The following ROCK1 variants were observed in gnomAD, a reference collection of about 807,000 sequenced individuals.
ROCK1 encodes Rho associated coiled-coil containing protein kinase 1, also known as rho-associated protein kinase 1.
ROCK1 carries 36 observed loss-of-function variants against 196.8 expected under a neutral mutation model. The ratio of observed to expected loss-of-function variants is 0.18; its 90% confidence interval spans 0.14 to 0.24. ROCK1 has a LOEUF of 0.24. Among genes scored for constraint, ROCK1 ranks in the 10% least tolerant of loss-of-function variants. The probability of loss-of-function intolerance (pLI) is 1.00; values close to 1 mark genes in which losing one functional copy is unlikely to be tolerated. For missense variants in ROCK1, 920 were observed against 1,562.0 expected (o/e 0.59, Z 6.93); for synonymous variants, 443 against 515.9 (o/e 0.86, Z 1.91).
intron 1 of ROCK1, among the ~76,000 whole-genome samples, chr18:21,104,876 A>C (rs1223340709): frequency 6.6e-6 from 1 of 152,220 alleles, no homozygotes; most frequent in Non-Finnish European, 1.5e-5. Flanking sequence ...TTCCCCATTT[A>C]TTGAATCTAT....
chr18:20,974,090 C>T (rs1421604773), intron 22 of ROCK1, among the ~76,000 whole-genome samples: 2 of 152,150 alleles, frequency 1.3e-5, no homozygotes, highest in Non-Finnish European at 2.9e-5. Context: ...CTTTTAATCA[C>T]TTTCTCTTTC....
chr18:20,959,120 AATAT>A (rs367664580), intron 29 of ROCK1, among the ~76,000 whole-genome samples: 1 of 53,288 alleles, frequency 1.9e-5, no homozygotes, highest in African/African-American at 1.3e-4. Context: ...TATATTATAT[AATAT>A]ATATATTATA....
chr18:21,095,876 T>C (rs1047629569), intron 1 of ROCK1, among the ~76,000 whole-genome samples: 2 of 152,110 alleles, frequency 1.3e-5, no homozygotes, highest in African/African-American at 4.8e-5. Context: ...GATAAATGCT[T>C]GAGAGGATGG....
At chr18:20,989,939 G>T (rs1170677334) in intron 18 of ROCK1, among the ~76,000 whole-genome samples, 1 of 151,916 alleles carries the variant, frequency 6.6e-6, no homozygotes, top group Non-Finnish European at 1.5e-5. Context: ...ACTTATGACC[G>T]ATATGTTCAA....
intron 1 of ROCK1, among the ~76,000 whole-genome samples, chr18:21,104,253 T>G (rs1335529470): frequency 6.6e-6 from 1 of 152,206 alleles, no homozygotes; most frequent in Non-Finnish European, 1.5e-5. Flanking sequence ...AAACTGAGAA[T>G]TTACTCTTTA....
intron 20 of ROCK1, 63 bp from the exon 21 acceptor site, chr18:20,982,895 T>G (rs2035546197): frequency 6.9e-6 from 5 of 725,826 alleles, no homozygotes. Flanking sequence ...TCATTTTTTC[T>G]TAGTTTGTTA....
At chr18:21,064,786 C>A (rs758792382) in intron 2 of ROCK1, among the ~76,000 whole-genome samples, 16 of 152,184 alleles carry the variant, frequency 1.1e-4, no homozygotes, top group Admixed American at 3.9e-4. Flanking sequence ...GCTGAGAACT[C>A]CCTGTGGAAG....
In ROCK1 at chr18:21,111,666, T is replaced by C. The variant is rs1337322764; in HGVS notation, c.-756A>G. 7.5e-6 allele frequency: 1 copy of C among 133,038 alleles called. No individual in the cohort carries two copies. The highest frequency in any genetic ancestry group is 2.2e-4 in the East Asian group (1 of 4,570). The allele number at this position is 133,038 out of a possible 1,614,324, so 8.2% of individuals were successfully genotyped here. A position where few individuals can be genotyped will look rare whatever the true frequency, so the allele number is the denominator to read the frequency against. On this transcript the variant is annotated 5_prime_UTR_variant, in exon 1 of 33. Coordinates refer to ENST00000399799, the MANE Select transcript of ROCK1 (RefSeq NM_005406.3). The surrounding 1 kb of genome is among the most constrained non-coding windows in gnomAD (Gnocchi z 4.2). Reference sequence around the variant, plus strand: ...ATAGTTGGGTCCCGGCGGCTGCTGATGGGGGAGCTTCTGGGAGGGGCTGCG... The same window carrying C: ...ATAGTTGGGTCCCGGCGGCTGCTGACGGGGGAGCTTCTGGGAGGGGCTGCG...
intron 6 of ROCK1, among the ~76,000 whole-genome samples, chr18:21,043,456 G>A (rs1335816087): frequency 6.6e-6 from 1 of 151,264 alleles, no homozygotes; most frequent in Non-Finnish European, 1.5e-5. Context: ...CTGTGTATAT[G>A]AAGTGAAGGA....
intron 2 of ROCK1, among the ~76,000 whole-genome samples, chr18:21,052,731 G>A (rs1362074892): frequency 6.6e-6 from 1 of 152,006 alleles, no homozygotes; most frequent in Non-Finnish European, 1.5e-5. Context: ...TTCCTTATGA[G>A]AATCTTTTTT....
At chr18:20,980,263 T>C (rs1340999713) in intron 21 of ROCK1, among the ~76,000 whole-genome samples, 1 of 151,372 alleles carries the variant, frequency 6.6e-6, no homozygotes, top group African/African-American at 2.4e-5. Flanking sequence ...AAAACAAAAC[T>C]GTGGTTAATT....
At position 21,043,010 on chromosome 18, in the gene ROCK1, T is replaced by C. The variant is rs1386053000; in HGVS notation, c.676-301A>G. Among the ~76,000 whole-genome samples the C allele has an allele frequency of 8.5e-5, 13 of 152,262 alleles. No homozygotes were observed. In the South Asian group the frequency reaches 2.5e-3, roughly 29 times the overall value. ...CACACCAGTGATTATTTTGTAATAA[T>C]GCTCACTAGAAAAACATACTGCCAC... On this transcript the variant is annotated intron_variant, in intron 6 of 32. Coordinates refer to ENST00000399799, the MANE Select transcript of ROCK1 (RefSeq NM_005406.3).
At chr18:20,993,074 T>C (rs2035640212) in intron 16 of ROCK1, 137 bp from the exon 17 acceptor site, 1 of 578,322 alleles carries the variant, frequency 1.7e-6, no homozygotes, top group African/African-American at 1.9e-5. Context: ...TTAAGTGTTT[T>C]CACAATAAAC....
rs1388021779 is a variant in ROCK1, at chr18:21,006,697, A to G, written c.1638+2T>C. Reference sequence around the variant, plus strand: ...AAAAGGAACCTCATTTGAAACACTTACCTGCTTTTGTAACTGGGACAGCTT... The same window carrying G: ...AAAAGGAACCTCATTTGAAACACTTGCCTGCTTTTGTAACTGGGACAGCTT... On this transcript the variant is annotated splice_donor_variant, in intron 15 of 32. Transcript: ENST00000399799. LOFTEE classifies it high-confidence loss of function. 3.8e-6 allele frequency: 6 copies of G among 1,597,652 alleles called. No homozygotes were observed. Among genetic ancestry groups the G allele is most frequent in the Non-Finnish European group, 5.1e-6 (6 of 1,175,452 alleles).
chr18:20,982,698 T>C, intron 21 of ROCK1, 65 bp downstream of exon 21: 1 of 762,296 alleles, frequency 1.3e-6, no homozygotes. Context: ...CATAAAAGAA[T>C]CTAAATACCT....
intron 23 of ROCK1, 45 bp downstream of exon 23, chr18:20,970,303 T>C (rs1430242783): frequency 1.4e-6 from 2 of 1,474,752 alleles, no homozygotes; most frequent in South Asian, 2.3e-5. Context: ...TGACCTATTG[T>C]GATTTAAATA....
intron 32 of ROCK1, among the ~76,000 whole-genome samples, chr18:20,952,564 G>A (rs1325658896): frequency 6.6e-6 from 1 of 152,050 alleles, no homozygotes; most frequent in African/African-American, 2.4e-5. Flanking sequence ...GATCATTTGA[G>A]GTCAGGAGTT....
chr18:21,078,051 A>G (rs2036449056), intron 1 of ROCK1, among the ~76,000 whole-genome samples: 1 of 152,188 alleles, frequency 6.6e-6, no homozygotes, highest in African/African-American at 2.4e-5. Context: ...CAAACTGGCC[A>G]GGCACAGTGG....
intron 1 of ROCK1, 52 bp from the exon 2 acceptor site, chr18:21,070,665 T>C (rs2036376401): frequency 8.8e-7 from 1 of 1,137,960 alleles, no homozygotes. Flanking sequence ...TTATACAGTC[T>C]CCTTTTTTAT....
Sources: gnomAD v4.1 joint callset for allele counts (sites outside exome capture counted in the v4.1 genomes callset) on GRCh38, gnomAD v4.1.1 for gene constraint, Gnocchi (gnomAD v3.1) non-coding constraint, MANE v1.5 for transcripts, NCBI Gene and HGNC (gene_info 2026-07-23, HGNC 2026-07-21) for gene names.